CLDN14: variants seen among roughly 807,000 people sequenced by gnomAD.
CLDN14 encodes the protein claudin 14.
CLDN14 carries 2 observed loss-of-function variants against 2.1 expected under a neutral mutation model. The ratio of observed to expected loss-of-function variants is 0.96; its 90% CI spans 0.39 to 3.01. The LOEUF is 3.01. Among genes scored for constraint, CLDN14 ranks in the 30% most tolerant of loss-of-function variants. The pLI is 0.09. For missense variants in CLDN14, 298 were observed against 328.0 expected (o/e 0.91, Z 0.71); for synonymous variants, 136 against 154.4 (o/e 0.88, Z 0.88).
intron 1 of CLDN14, among the ~76,000 whole-genome samples, chr21:36,555,745 C>T (rs576201378): frequency 1.3e-5 from 2 of 151,902 alleles, no homozygotes; most frequent in East Asian, 3.9e-4. Flanking sequence ...CCTGAGACTG[C>T]AAATGTGAAC....
At chr21:36,529,187 C>T (rs1344133800) in intron 1 of CLDN14, among the ~76,000 whole-genome samples, 5 of 152,168 alleles carry the variant, frequency 3.3e-5, no homozygotes, top group East Asian at 3.8e-4. Context: ...ATGCTTTCCC[C>T]GATCTCAACT....
At chr21:36,543,650 T>C (rs1256074443) in intron 1 of CLDN14, among the ~76,000 whole-genome samples, 1 of 152,196 alleles carries the variant, frequency 6.6e-6, no homozygotes, top group Non-Finnish European at 1.5e-5. Context: ...TTGTGCCCAT[T>C]TTACAAAAGA....
At chr21:36,543,608 CGTT>C (rs758940525) in intron 1 of CLDN14, among the ~76,000 whole-genome samples, 1 of 152,298 alleles carries the variant, frequency 6.6e-6, no homozygotes, top group South Asian at 2.1e-4. Context: ...TTTACATAAT[CGTT>C]GTAACTACCT....
At chr21:36,566,510 G>C (rs1024131242) in intron 1 of CLDN14, among the ~76,000 whole-genome samples, 1 of 152,092 alleles carries the variant, frequency 6.6e-6, no homozygotes, top group African/African-American at 2.4e-5. Flanking sequence ...AGTCGAACTG[G>C]ACCCATGCAA....
chr21:36,484,190 G>A (rs1263939668), upstream of CLDN14, among the ~76,000 whole-genome samples: 1 of 152,214 alleles, frequency 6.6e-6, no homozygotes, highest in Non-Finnish European at 1.5e-5. Context: ...CCCCAAAGAC[G>A]AGTGAGGTAG....
At position 36,489,117 on chromosome 21, in the gene CLDN14, G is replaced by GAAAAAAAA. The variant is rs869298653; in HGVS notation, c.-82+21238_-82+21245dup. Among the ~76,000 whole-genome samples the GAAAAAAAA allele has an allele frequency of 7.3e-3, 413 of 56,904 alleles. 23 individuals are homozygous for GAAAAAAAA. The highest frequency in any genetic ancestry group is 0.028 in the African/African-American group (356 of 12,898). The allele number at this position is 56,904 out of a possible 152,430, so 37.3% of individuals were successfully genotyped here. A position where few individuals can be genotyped will look rare whatever the true frequency, so the allele number is the denominator to read the frequency against. On this transcript the variant is annotated intron_variant, in intron 2 of 2. Transcript: ENST00000342108. ...AGAGTGAGTGAGAGTCTGTCTCAAA[G>GAAAAAAAA]AAAAAAAAAAAAAAATATATATATA... is the stretch of plus-strand genomic sequence containing the variant.
chr21:36,490,949 GAC>G (rs3030068), intron 2 of CLDN14, among the ~76,000 whole-genome samples: 34,006 of 148,628 alleles, frequency 0.23, 3,849 homozygotes, highest in Middle Eastern at 0.26. Flanking sequence ...CAAGTGCACA[GAC>G]ACACACACAC....
intron 2 of CLDN14, among the ~76,000 whole-genome samples, chr21:36,490,945 CACAG>C (rs763348613): frequency 1.4e-4 from 12 of 85,410 alleles, no homozygotes; most frequent in Non-Finnish European, 2.5e-4. Context: ...CATGCAAGTG[CACAG>C]ACACACACAC....
chr21:36,477,517 C>G (rs1375160741), intron 1 of CLDN14: 3 of 152,158 alleles, frequency 2.0e-5, no homozygotes, highest in South Asian at 2.1e-4. Context: ...GTTTTTGTTT[C>G]TTTCTTCTTC....
chr21:36,571,524 T>G (rs1463123092), intron 1 of CLDN14, among the ~76,000 whole-genome samples: 1 of 152,178 alleles, frequency 6.6e-6, no homozygotes, highest in African/African-American at 2.4e-5. Context: ...CTTCAATGCT[T>G]AGAAACACTC....
chr21:36,529,167 T>C (rs1438103327), intron 1 of CLDN14, among the ~76,000 whole-genome samples: 2 of 152,240 alleles, frequency 1.3e-5, no homozygotes, highest in Non-Finnish European at 2.9e-5. Flanking sequence ...AGGGTTTTCT[T>C]AATCTAAAAA....
chr21:36,466,837 C>G (rs219762), intron 1 of CLDN14, among the ~76,000 whole-genome samples: 32,129 of 152,098 alleles, frequency 0.21, 3,571 homozygotes, highest in South Asian at 0.31. Flanking sequence ...ACATCAAAAG[C>G]AAATTAGTTA....
chr21:36,535,430 A>C (rs1261310052), intron 1 of CLDN14, among the ~76,000 whole-genome samples: 3 of 152,152 alleles, frequency 2.0e-5, no homozygotes, highest in Non-Finnish European at 4.4e-5. Flanking sequence ...AATAAAATAC[A>C]AATAAAAATG....
intron 1 of CLDN14, among the ~76,000 whole-genome samples, chr21:36,568,598 GC>G (rs909768710): frequency 1.2e-4 from 18 of 152,294 alleles, no homozygotes; most frequent in African/African-American, 4.3e-4. Context: ...CATGGCTCAG[GC>G]CTGAAGTCAC....
intron 2 of CLDN14, among the ~76,000 whole-genome samples, chr21:36,497,406 G>T (rs2087045743): frequency 1.8e-5 from 2 of 110,960 alleles, no homozygotes; most frequent in African/African-American, 6.1e-5. Flanking sequence ...AGGGAGGGAG[G>T]GAGGGAGGAA....
intron 1 of CLDN14, among the ~76,000 whole-genome samples, chr21:36,546,600 C>G (rs1412779258): frequency 1.3e-5 from 2 of 152,102 alleles, no homozygotes; most frequent in African/African-American, 4.8e-5. Context: ...AAGCACTTAC[C>G]TTTTTTATTA....
intron 2 of CLDN14, among the ~76,000 whole-genome samples, chr21:36,494,889 G>C (rs2071051): frequency 0.071 from 10,866 of 152,268 alleles, 605 homozygotes; most frequent in East Asian, 0.28. Flanking sequence ...TTCTGCTCAA[G>C]GACCACAGGT....
chr21:36,566,499 C>T (rs2087673818), intron 1 of CLDN14, among the ~76,000 whole-genome samples: 1 of 152,168 alleles, frequency 6.6e-6, no homozygotes, highest in Non-Finnish European at 1.5e-5. Context: ...GGTGACTTCT[C>T]AGTCGAACTG....
At chr21:36,519,775 C>A (rs1432265538) in intron 1 of CLDN14, among the ~76,000 whole-genome samples, 1 of 152,110 alleles carries the variant, frequency 6.6e-6, no homozygotes, top group East Asian at 1.9e-4. Flanking sequence ...ATTGTCCAGT[C>A]AAGTCTTTCT....
Sources: gnomAD v4.1 joint callset for allele counts (sites outside exome capture counted in the v4.1 genomes callset) on GRCh38, gnomAD v4.1.1 for gene constraint, MANE v1.5 for transcripts, NCBI Gene and HGNC (gene_info 2026-07-23, HGNC 2026-07-21) for gene names.